The following PLA2G4E variants were observed in gnomAD, a reference collection of about 807,000 sequenced individuals.
The protein encoded by PLA2G4E is cytosolic phospholipase A2 epsilon.
A neutral mutation model predicts 109.1 loss-of-function variants in PLA2G4E; 84 were observed. The ratio of observed to expected loss-of-function variants is 0.77; its 90% CI spans 0.65 to 0.92. The LOEUF (loss-of-function observed/expected upper bound fraction) is 0.92, where lower values mean the gene tolerates loss of function less well. Among genes scored for constraint, PLA2G4E ranks in the 40% least tolerant of loss-of-function variants. The pLI, the probability that PLA2G4E is intolerant of heterozygous loss-of-function variation, is 0.00. For synonymous variants in PLA2G4E, 469 were observed against 436.1 expected (o/e 1.08, Z -0.94); for missense variants, 1,057 against 1,076.6 (o/e 0.98, Z 0.25).
intron 1 of PLA2G4E, among the ~76,000 whole-genome samples, chr15:42,028,360 G>A (rs187023134): frequency 8.6e-4 from 128 of 148,854 alleles, no homozygotes; most frequent in African/African-American, 2.9e-3. Flanking sequence ...TCTGTACTGC[G>A]TTTTTATTTT....
intron 1 of PLA2G4E, among the ~76,000 whole-genome samples, chr15:42,026,887 C>T (rs956663787): frequency 1.3e-5 from 2 of 151,636 alleles, no homozygotes; most frequent in East Asian, 1.9e-4. Context: ...GTAAAAGAAC[C>T]GCTTGAACCC....
intron 1 of PLA2G4E, among the ~76,000 whole-genome samples, chr15:42,042,108 A>T (rs1889325476): frequency 6.6e-6 from 1 of 152,218 alleles, no homozygotes; most frequent in Non-Finnish European, 1.5e-5. Flanking sequence ...TGGTCATAGC[A>T]TCAGAAATTG....
At chr15:42,035,800 T>C (rs920140909) in intron 1 of PLA2G4E, among the ~76,000 whole-genome samples, 1 of 152,180 alleles carries the variant, frequency 6.6e-6, no homozygotes, top group Admixed American at 6.5e-5. Flanking sequence ...TATTATTCTC[T>C]ATACATTTTG....
At chr15:42,036,293 T>G (rs915621584) in intron 1 of PLA2G4E, among the ~76,000 whole-genome samples, 19 of 151,916 alleles carry the variant, frequency 1.3e-4, no homozygotes, top group Non-Finnish European at 2.6e-4. Context: ...GCAGCGCAGC[T>G]GGGGAGCAGC....
intron 13 of PLA2G4E, 75 bp from the exon 14 acceptor site, chr15:41,990,310 A>C: frequency 7.6e-7 from 1 of 1,320,872 alleles, no homozygotes. Context: ...TGAGAAGACA[A>C]TCTGGACCCC....
intron 1 of PLA2G4E, among the ~76,000 whole-genome samples, chr15:42,048,540 G>A (rs996895777): frequency 1.2e-4 from 19 of 152,302 alleles, no homozygotes; most frequent in African/African-American, 4.6e-4. Flanking sequence ...AGCAGCTGGA[G>A]AAAGACCAGG....
At chr15:42,034,306 T>A (rs976944430) in intron 1 of PLA2G4E, among the ~76,000 whole-genome samples, 7 of 152,336 alleles carry the variant, frequency 4.6e-5, no homozygotes, top group African/African-American at 1.7e-4. Flanking sequence ...TTTGTAATTA[T>A]TTGAGGCAAA....
At chr15:41,992,844 G>C (rs1045540050) in exon 13 of PLA2G4E, 11 of 1,613,886 alleles carry the variant, frequency 6.8e-6, no homozygotes, top group Non-Finnish European at 9.3e-6. Context: ...TTGCGGAGCT[G>C]GTCTGGGAAC....
At chr15:41,991,849 TC>T (rs1307480356) in intron 13 of PLA2G4E, among the ~76,000 whole-genome samples, 2 of 152,126 alleles carry the variant, frequency 1.3e-5, no homozygotes, top group African/African-American at 2.4e-5. Flanking sequence ...GAAGCTCTCC[TC>T]TGGGGCCAGG....
chr15:42,013,882 GTTTTTTTTTTTTTTTTT>G, intron 1 of PLA2G4E, 125 bp from the exon 2 acceptor site: 1 of 132,742 alleles, frequency 7.5e-6, no homozygotes. Flanking sequence ...CCCTAGGCTG[GTTTTTTTTTTTTTTTTT>G]TTTTTTTTTT....
At chr15:41,992,205 C>A (rs1172144353) in intron 13 of PLA2G4E, among the ~76,000 whole-genome samples, 1 of 152,196 alleles carries the variant, frequency 6.6e-6, no homozygotes, top group African/African-American at 2.4e-5. Flanking sequence ...AAATCCACAG[C>A]TGAGTCTGTG....
At chr15:42,015,082 A>T (rs909834854) in intron 1 of PLA2G4E, among the ~76,000 whole-genome samples, 1 of 152,092 alleles carries the variant, frequency 6.6e-6, no homozygotes, top group Non-Finnish European at 1.5e-5. Flanking sequence ...TCCTCAAGGA[A>T]CACCCAGAGC....
exon 20 of PLA2G4E, chr15:41,983,897 C>T: frequency 1.2e-6 from 2 of 1,613,512 alleles, no homozygotes; most frequent in Non-Finnish European, 1.7e-6. Flanking sequence ...TATGTCAGCT[C>T]CTTGGTGGCA....
At chr15:42,009,396 C>T (rs573195098) in intron 2 of PLA2G4E, among the ~76,000 whole-genome samples, 16 of 152,304 alleles carry the variant, frequency 1.1e-4, no homozygotes, top group East Asian at 7.7e-4. Flanking sequence ...ATCTCTGAGG[C>T]CACTTCCCAG....
chr15:41,998,039 C>T (rs2068369889), intron 10 of PLA2G4E: 1 of 152,238 alleles, frequency 6.6e-6, no homozygotes, highest in Admixed American at 6.5e-5. Flanking sequence ...CAGAAGCAGT[C>T]CTGTTTCCGG....
chr15:42,013,629 C>T lies in PLA2G4E; in HGVS notation c.256+56G>A, dbSNP rs1328390633. 5 of 1,490,294 alleles carry T rather than the reference C, an allele frequency of 3.4e-6. No individual in the cohort carries two copies. The African/African-American group carries it at 5.7e-5, about 17-fold the overall frequency. 92.3% of individuals were successfully genotyped at this position (1,490,294 alleles called of 1,614,324 possible). A position where few individuals can be genotyped will look rare whatever the true frequency, so the allele number is the denominator to read the frequency against. ...CACCTGACCATTTCTCCAGCCAGGG[C>T]CTCTTCCATCCAGATCCGGTAAGCA... On this transcript the variant is annotated intron_variant, in intron 2 of 19. Coordinates refer to ENST00000399518, the Ensembl canonical transcript of PLA2G4E.
chr15:42,039,518 C>A (rs549693164), intron 1 of PLA2G4E, among the ~76,000 whole-genome samples: 2 of 149,860 alleles, frequency 1.3e-5, no homozygotes, highest in African/African-American at 4.9e-5. Flanking sequence ...TACATATATA[C>A]ATACATATGT....
At chr15:42,017,060 C>T (rs978209784) in intron 1 of PLA2G4E, among the ~76,000 whole-genome samples, 3 of 152,362 alleles carry the variant, frequency 2.0e-5, no homozygotes, top group East Asian at 1.9e-4. Context: ...CCTGTACCCA[C>T]CGGCCCACTT....
rs778616263 is a variant in PLA2G4E at position 41,987,365 on chromosome 15, C to T, written c.1842G>A (p.Pro614=). The T allele has an allele frequency of 3.2e-5, 52 of 1,613,190 alleles. No individual in the cohort carries two copies. In the South Asian group the frequency reaches 3.3e-4, roughly 10 times the overall value. The stretch of plus-strand genomic sequence containing the variant: ...CACATTTGGGGATTTCAGGCAGGAT[C>T]GGCTCGTCTTCTGCAGGGGAGGGAG... Residue 614 remains proline, a synonymous_variant, in exon 17 of 20, where the codon CCG becomes CCA. Coordinates refer to ENST00000399518, the Ensembl canonical transcript of PLA2G4E.
Sources: allele counts gnomAD v4.1 joint callset (sites outside exome capture counted in the v4.1 genomes callset), GRCh38; gene constraint gnomAD v4.1.1; transcripts MANE v1.5; gene names NCBI Gene and HGNC (gene_info 2026-07-23, HGNC 2026-07-21).